Variants in KCNMA1 observed in about 807,000 individuals in gnomAD.
The protein encoded by KCNMA1 is potassium calcium-activated channel subfamily M alpha 1.
In KCNMA1, 29 loss-of-function variants were observed where a neutral mutation model predicts 140.0. The ratio of observed to expected loss-of-function variants is 0.21; its 90% CI spans 0.15 to 0.28. The LOEUF is 0.28. Ranked by LOEUF, KCNMA1 falls within the 10% of genes least tolerant of loss-of-function variation. The probability of loss-of-function intolerance (pLI) is 1.00; values close to 1 mark genes in which losing one functional copy is unlikely to be tolerated. For missense variants in KCNMA1, 880 were observed against 1,602.2 expected (o/e 0.55, Z 7.70); for synonymous variants, 612 against 611.9 (o/e 1.00, Z 0.00).
At chr10:77,270,867 A>T (rs2064924416) in intron 2 of KCNMA1, among the ~76,000 whole-genome samples, 1 of 152,190 alleles carries the variant, frequency 6.6e-6, no homozygotes, top group African/African-American at 2.4e-5. Flanking sequence ...GATTCAAGCC[A>T]CATTTGTAAT....
intron 5 of KCNMA1, among the ~76,000 whole-genome samples, chr10:77,177,395 C>T (rs573945901): frequency 1.3e-5 from 2 of 148,624 alleles, no homozygotes; most frequent in Admixed American, 1.4e-4. Context: ...TTTCTTCCTT[C>T]TTTCCTTCCT....
chr10:77,013,502 T>C (rs2091338998), intron 17 of KCNMA1, among the ~76,000 whole-genome samples: 1 of 152,148 alleles, frequency 6.6e-6, no homozygotes, highest in African/African-American at 2.4e-5. Context: ...ACCCAATCAA[T>C]CTGCCTTGGC....
intron 5 of KCNMA1, among the ~76,000 whole-genome samples, chr10:77,178,029 C>A (rs1257909931): frequency 6.6e-6 from 1 of 152,148 alleles, no homozygotes; most frequent in African/African-American, 2.4e-5. Flanking sequence ...TATTTATAAG[C>A]AGATACCCTA....
intron 2 of KCNMA1, among the ~76,000 whole-genome samples, chr10:77,319,595 C>T (rs1387623187): frequency 6.6e-6 from 1 of 152,210 alleles, no homozygotes; most frequent in African/African-American, 2.4e-5. Flanking sequence ...ACTCCTATTA[C>T]GTCCTCTTTC....
intron 9 of KCNMA1, chr10:77,091,836 G>A (rs749738273): frequency 1.3e-5 from 2 of 152,230 alleles, no homozygotes; most frequent in South Asian, 4.1e-4. Flanking sequence ...GCCATTATAA[G>A]AGCCTGCCCT....
intron 25 of KCNMA1, among the ~76,000 whole-genome samples, chr10:76,905,320 A>C (rs1472485852): frequency 6.6e-6 from 1 of 152,200 alleles, no homozygotes; most frequent in Non-Finnish European, 1.5e-5. Flanking sequence ...GCGCTTCAGG[A>C]ATCAACTCAG....
chr10:77,153,066 C>A (rs2574809), intron 5 of KCNMA1, among the ~76,000 whole-genome samples: 3,902 of 152,220 alleles, frequency 0.026, 309 homozygotes, highest in East Asian at 0.25. Context: ...CACTTCCTAG[C>A]CTTGGAAACT....
In KCNMA1 at chr10:77,147,460, T is replaced by C. The variant is rs539815475; in HGVS notation, c.809-26412A>G. On this transcript the variant is annotated intron_variant, in intron 5 of 27. Coordinates refer to ENST00000286628, the MANE Select transcript of KCNMA1 (RefSeq NM_001161352.2). ...TTCCCTTCCCCCTGAAAGCTAACCA[T>C]CAGAGGGGTGGAATAGCCTCTAATT... Among the ~76,000 whole-genome samples, 23 of 146,042 alleles carry C rather than the reference T, an allele frequency of 1.6e-4. No individual in the cohort carries two copies. The East Asian group carries it at 5.3e-3, about 34-fold the overall frequency.
intron 2 of KCNMA1, among the ~76,000 whole-genome samples, chr10:77,317,025 C>T (rs1250629542): frequency 6.6e-6 from 1 of 152,172 alleles, no homozygotes; most frequent in Non-Finnish European, 1.5e-5. Context: ...CTATAATGGA[C>T]TGAAGGTGCC....
intron 2 of KCNMA1, among the ~76,000 whole-genome samples, chr10:77,272,795 A>T (rs1365681691): frequency 6.6e-6 from 1 of 152,222 alleles, no homozygotes; most frequent in Non-Finnish European, 1.5e-5. Flanking sequence ...ATTATATGGC[A>T]GTGTTTCAAA....
At chr10:77,490,500 G>A (rs2098519050) in intron 1 of KCNMA1, among the ~76,000 whole-genome samples, 1 of 152,112 alleles carries the variant, frequency 6.6e-6, no homozygotes, top group African/African-American at 2.4e-5. Flanking sequence ...GGAACTTCTT[G>A]GGCAAACAGT....
At position 77,559,993 on chromosome 10, in the gene KCNMA1, T is replaced by C. The variant is rs546101847; in HGVS notation, c.378+77272A>G. ...GAGTTTAAGATCAGCCTGACCAACA[T>C]GGTGAAACCCTGTCTCTACTAAAAA... is the stretch of plus-strand genomic sequence containing the variant. On this transcript the variant is annotated intron_variant, in intron 1 of 27. Transcript: ENST00000286628. 7.9e-4 allele frequency among the ~76,000 whole-genome samples: 119 copies of C among 151,360 alleles called. No individual in the cohort carries two copies. In the East Asian group the frequency reaches 0.016, roughly 21 times the overall value.
At chr10:76,976,534 A>G (rs923210697) in intron 19 of KCNMA1, among the ~76,000 whole-genome samples, 4 of 152,150 alleles carry the variant, frequency 2.6e-5, no homozygotes, top group East Asian at 3.9e-4. Context: ...CTAGAATCCA[A>G]TTGGGTAAAT....
rs544640243 is a variant in KCNMA1 at position 77,007,676 on chromosome 10, T to C, written c.2092+4291A>G. 3.5e-5 allele frequency among the ~76,000 whole-genome samples: 5 copies of C among 144,792 alleles called. No individual in the cohort carries two copies. The South Asian group carries it at 1.1e-3, about 32-fold the overall frequency. The allele number at this position is 144,792 out of a possible 152,430, so 95.0% of individuals were successfully genotyped here. On this transcript the variant is annotated intron_variant, in intron 18 of 27. Coordinates refer to ENST00000286628, the MANE Select transcript of KCNMA1 (RefSeq NM_001161352.2). ...GTGTATATATATATATATATATATA[T>C]GTATCACAACATGGGAATATATATG...
intron 3 of KCNMA1, among the ~76,000 whole-genome samples, chr10:77,205,297 G>A (rs994955508): frequency 6.6e-6 from 1 of 152,192 alleles, no homozygotes; most frequent in Non-Finnish European, 1.5e-5. Flanking sequence ...CATACTAGGA[G>A]CAAAGCTAAA....
intron 29 of KCNMA1, among the ~76,000 whole-genome samples, chr10:76,878,333 C>T (rs888056037): frequency 3.2e-4 from 49 of 152,122 alleles, no homozygotes; most frequent in African/African-American, 1.1e-3. Context: ...TGCTGCAGAG[C>T]GAGTGATCCA....
chr10:77,210,546 A>C (rs568508010), intron 3 of KCNMA1, among the ~76,000 whole-genome samples: 75 of 152,324 alleles, frequency 4.9e-4, no homozygotes, highest in Non-Finnish European at 8.4e-4. Context: ...TCAATATGGC[A>C]TTGCAAGTCC....
At chr10:77,091,833 T>C (rs2096825951) in intron 9 of KCNMA1, 1 of 152,276 alleles carries the variant, frequency 6.6e-6, no homozygotes, top group Admixed American at 6.5e-5. Context: ...GATGCCATTA[T>C]AAGAGCCTGC....
chr10:76,987,276 T>C (rs950920940), intron 19 of KCNMA1, among the ~76,000 whole-genome samples: 1 of 152,148 alleles, frequency 6.6e-6, no homozygotes, highest in African/African-American at 2.4e-5. Context: ...ACATAAAAAC[T>C]GTCTAATGGG....
Sources: allele counts gnomAD v4.1 joint callset (sites outside exome capture counted in the v4.1 genomes callset), GRCh38; gene constraint gnomAD v4.1.1; transcripts MANE v1.5; gene names NCBI Gene and HGNC (gene_info 2026-07-23, HGNC 2026-07-21).